EFCAB8: variants seen among roughly 807,000 people sequenced by gnomAD.
EFCAB8 encodes EF-hand calcium-binding domain-containing protein 8.
Under a neutral mutation model 116.3 loss-of-function variants are expected in EFCAB8, and 100 were observed. That is an observed-to-expected ratio of 0.86 (90% CI 0.73 to 1.02). EFCAB8 has a LOEUF of 1.02. Among genes scored for constraint, EFCAB8 ranks in the 50% least tolerant of loss-of-function variants. EFCAB8 has a pLI of 0.00. For missense variants in EFCAB8, 1,320 were observed against 1,416.9 expected (o/e 0.93, Z 1.10); for synonymous variants, 558 against 567.9 (o/e 0.98, Z 0.25).
At chr20:32,908,582 A>C (rs1986785377) in intron 14 of EFCAB8, among the ~76,000 whole-genome samples, 170 bp downstream of exon 14, 1 of 152,026 alleles carries the variant, frequency 6.6e-6, no homozygotes, top group South Asian at 2.1e-4. Flanking sequence ...ATTTCCTGAA[A>C]TCCTGTTTCT....
chr20:32,929,164 G>A (rs1473695149), intron 20 of EFCAB8, among the ~76,000 whole-genome samples: 1 of 148,944 alleles, frequency 6.7e-6, no homozygotes, highest in East Asian at 2.0e-4. Flanking sequence ...TAATGTCTTT[G>A]TCTGACTTTG....
At chr20:32,906,428 G>A in intron 11 of EFCAB8, 134 bp from the exon 12 acceptor site, 1 of 645,892 alleles carries the variant, frequency 1.5e-6, no homozygotes, top group Middle Eastern at 4.0e-4. Context: ...CTCCTAGGAT[G>A]GAGAGGTAGT....
At chr20:32,936,621 T>C (rs756712094) in intron 22 of EFCAB8, among the ~76,000 whole-genome samples, 17 of 152,218 alleles carry the variant, frequency 1.1e-4, no homozygotes, top group Non-Finnish European at 2.2e-4. Flanking sequence ...AATTGACTAT[T>C]AGTGCATGGG....
At chr20:32,879,090 G>A (rs1841176223) in intron 5 of EFCAB8, among the ~76,000 whole-genome samples, 1 of 152,244 alleles carries the variant, frequency 6.6e-6, no homozygotes, top group South Asian at 2.1e-4. Context: ...GGGCTGCTGT[G>A]TTTGGCCCTC....
intron 1 of EFCAB8, 104 bp from the exon 2 acceptor site, chr20:32,863,679 T>C: frequency 8.6e-7 from 1 of 1,166,326 alleles, no homozygotes; most frequent in African/African-American, 1.6e-5. Context: ...ACCCTCTCCC[T>C]TGACCTTGAC....
intron 11 of EFCAB8, among the ~76,000 whole-genome samples, chr20:32,900,096 T>G (rs1026078783): frequency 6.6e-6 from 1 of 152,128 alleles, no homozygotes; most frequent in African/African-American, 2.4e-5. Flanking sequence ...AGCAGGAGAT[T>G]TAAGGCCTGT....
At position 32,906,905 on chromosome 20, in the gene EFCAB8, T is replaced by C. The variant is rs1986704935; in HGVS notation, c.1219T>C (p.Trp407Arg). Residue 407 changes from tryptophan to arginine, a missense_variant, in exon 13 of 27, where the codon TGG becomes CGG. Trp to Arg is a moderately radical substitution (Grantham distance 101, BLOSUM62 -3). Coordinates refer to ENST00000400522, the MANE Select transcript of EFCAB8 (RefSeq NM_001143967.2). ...WNPFVSKRPV[W>R]LMKGHQTSVT... ...CCCCTTTGTCTCAAAGAGGCCCGTG[T>C]GGCTGATGAAGGGACACCAGACCTC... 1 of 1,551,306 alleles carries C rather than the reference T, an allele frequency of 6.4e-7. No homozygotes were observed. Among genetic ancestry groups the C allele is most frequent in the African/African-American group, 1.4e-5 (1 of 73,032 alleles).
At chr20:32,909,791 C>A in intron 14 of EFCAB8, 30 bp from the exon 15 acceptor site, 1 of 1,162,742 alleles carries the variant, frequency 8.6e-7, no homozygotes, top group Non-Finnish European at 1.1e-6. Context: ...TTCTGACAGA[C>A]AAGCTCTCTG....
chr20:32,877,392 A>G (rs1600373052), intron 4 of EFCAB8, among the ~76,000 whole-genome samples: 1 of 151,860 alleles, frequency 6.6e-6, no homozygotes, highest in East Asian at 1.9e-4. Context: ...TATTTTTAGT[A>G]GAAACGGGGT....
Position 32,959,947 on chromosome 20 carries a change from G to C in EFCAB8, c.3259G>C (p.Asp1087His). 6.4e-7 allele frequency: 1 copy of C among 1,551,696 alleles called. No homozygotes were observed. The highest frequency in any genetic ancestry group is 8.7e-7 in the Non-Finnish European group (1 of 1,146,984). ...AGAGCGCCCCCTGGAAGACATTGAG[G>C]ACAGCTGGAACAAGTGGGAGTCCAG... ...AGERPLEDIE[D>H]SWNKWESRDK... is the part of the protein sequence containing the mutation. The change falls in exon 25 of 27, where the codon GAC (aspartate) becomes CAC (histidine). Residue 1087 changes from aspartate to histidine, a missense_variant. Coordinates refer to ENST00000400522, the MANE Select transcript of EFCAB8 (RefSeq NM_001143967.2).
chr20:32,945,240 C>G (rs1428390685), intron 23 of EFCAB8, among the ~76,000 whole-genome samples: 1 of 152,102 alleles, frequency 6.6e-6, no homozygotes, highest in African/African-American at 2.4e-5. Flanking sequence ...CTCACTGAAG[C>G]CTTGACCTCC....
intron 23 of EFCAB8, among the ~76,000 whole-genome samples, chr20:32,946,084 G>A (rs1216428334): frequency 2.0e-5 from 3 of 152,206 alleles, no homozygotes; most frequent in African/African-American, 7.2e-5. Context: ...TGGAAGTTGG[G>A]TTGTTTTCTC....
At chr20:32,907,183 G>A (rs1986719152) in intron 13 of EFCAB8, 189 bp downstream of exon 13, 1 of 931,360 alleles carries the variant, frequency 1.1e-6, no homozygotes, top group Non-Finnish European at 1.3e-6. Flanking sequence ...TTCCCAGGTA[G>A]CCCAGCCTGG....
rs759112384 is a variant in EFCAB8 at position 32,906,547 on chromosome 20, C to T, written c.1089-15C>T. 3.3e-5 allele frequency: 24 copies of T among 718,328 alleles called. No individual in the cohort carries two copies. The highest frequency in any genetic ancestry group is 3.1e-4 in the South Asian group (21 of 67,596). 44.5% of individuals were successfully genotyped at this position (718,328 alleles called of 1,614,324 possible). On this transcript the variant is annotated splice_polypyrimidine_tract_variant and intron_variant, in intron 11 of 26. Coordinates refer to ENST00000400522, the MANE Select transcript of EFCAB8 (RefSeq NM_001143967.2). ...TGCTCCCGGCCCTGCAGCCCTCACTCCTTTGATATTGTAGGTTGTCAGTGC... is the reference window on the plus strand; with the variant it reads ...TGCTCCCGGCCCTGCAGCCCTCACTTCTTTGATATTGTAGGTTGTCAGTGC...
chr20:32,950,404 C>G (rs1227310337), intron 23 of EFCAB8, among the ~76,000 whole-genome samples: 1 of 152,134 alleles, frequency 6.6e-6, no homozygotes, highest in African/African-American at 2.4e-5. Flanking sequence ...AGAGACTTCA[C>G]TGTAAGAATT....
intron 23 of EFCAB8, among the ~76,000 whole-genome samples, chr20:32,956,741 G>C (rs1988976138): frequency 6.6e-6 from 1 of 152,060 alleles, no homozygotes; most frequent in Admixed American, 6.5e-5. Context: ...CGTAAGTGTG[G>C]TTTTGTTTGT....
chr20:32,899,293 T>TA (rs1986315312), intron 11 of EFCAB8, among the ~76,000 whole-genome samples: 1 of 150,430 alleles, frequency 6.6e-6, no homozygotes, highest in South Asian at 2.1e-4. Flanking sequence ...TAGTCCCAGC[T>TA]ACTCGGGAGG....
chr20:32,911,015 G>C (rs1986895267), intron 15 of EFCAB8, among the ~76,000 whole-genome samples: 1 of 152,274 alleles, frequency 6.6e-6, no homozygotes, highest in South Asian at 2.1e-4. Context: ...TAGGATTACA[G>C]GCGTGAGCCA....
chr20:32,918,583 G>T lies in EFCAB8; in HGVS notation c.2274+9G>T. Reference sequence around the variant, plus strand: ...GGCCTGTGCCCCAGCAGGTGGGAGCGAGAGCCCAACCAGAAGGCTACCCTC... The same window carrying T: ...GGCCTGTGCCCCAGCAGGTGGGAGCTAGAGCCCAACCAGAAGGCTACCCTC... On this transcript the variant is annotated intron_variant, in intron 19 of 26. Transcript: ENST00000400522. 2 of 1,551,148 alleles carry T rather than the reference G, an allele frequency of 1.3e-6. No homozygotes were observed. The highest frequency in any genetic ancestry group is 1.2e-5 in the South Asian group (1 of 84,030).
Sources: allele counts gnomAD v4.1 joint callset (sites outside exome capture counted in the v4.1 genomes callset), GRCh38; gene constraint gnomAD v4.1.1; transcripts MANE v1.5; gene names NCBI Gene and HGNC (gene_info 2026-07-23, HGNC 2026-07-21).